The following USP12 variants were observed in gnomAD, a reference collection of about 807,000 sequenced individuals.
USP12 encodes the protein ubiquitin carboxyl-terminal hydrolase 12.
A neutral mutation model predicts 45.5 loss-of-function variants in USP12; 19 were observed. That is an observed-to-expected ratio of 0.42 (90% CI 0.29 to 0.61). The LOEUF (loss-of-function observed/expected upper bound fraction) is 0.61. USP12 is among the 20% of genes least tolerant of loss of function. USP12 has a pLI of 0.22. For missense variants in USP12, 242 were observed against 447.7 expected, an observed-to-expected ratio of 0.54 and a Z score of 4.15; for synonymous variants, 149 against 148.8, an observed-to-expected ratio of 1.00 and a Z score of -0.01.
intron 1 of USP12, among the ~76,000 whole-genome samples, chr13:27,141,598 G>C (rs1425288181): frequency 6.6e-5 from 10 of 152,066 alleles, no homozygotes; most frequent in Non-Finnish European, 1.5e-4. Context: ...GTCCCATCAG[G>C]AACAATTTGG....
chr13:27,112,964 T>C (rs931946975), intron 2 of USP12, among the ~76,000 whole-genome samples: 1 of 152,228 alleles, frequency 6.6e-6, no homozygotes, highest in Non-Finnish European at 1.5e-5. Context: ...CTAGGCACAA[T>C]GGCTCATGCC....
chr13:27,085,593 AG>A (rs925638488), intron 6 of USP12, among the ~76,000 whole-genome samples: 75 of 152,208 alleles, frequency 4.9e-4, no homozygotes, highest in African/African-American at 1.8e-3. Flanking sequence ...AATTCATCCA[AG>A]TAAAGGTCAA....
At chr13:27,087,251 A>ATG (rs55816785) in intron 6 of USP12, among the ~76,000 whole-genome samples, 122 of 144,052 alleles carry the variant, frequency 8.5e-4, no homozygotes, top group African/African-American at 2.9e-3. Flanking sequence ...GTGGGGAGGG[A>ATG]TGTGTGTGTG....
chr13:27,144,913 A>G (rs2137824865), intron 1 of USP12, among the ~76,000 whole-genome samples: 1 of 152,132 alleles, frequency 6.6e-6, no homozygotes, highest in African/African-American at 2.4e-5. Flanking sequence ...AAGAAAAAAA[A>G]AAAATCAGCC....
At chr13:27,082,560 C>T (rs1873807833) in intron 6 of USP12, among the ~76,000 whole-genome samples, 1 of 152,204 alleles carries the variant, frequency 6.6e-6, no homozygotes, top group Non-Finnish European at 1.5e-5. Flanking sequence ...CTTTGCACTC[C>T]TAACTTGGCT....
intron 1 of USP12, among the ~76,000 whole-genome samples, chr13:27,157,480 A>C (rs1460575584): frequency 6.6e-6 from 1 of 152,154 alleles, no homozygotes; most frequent in Admixed American, 6.5e-5. Flanking sequence ...TTTAGCAAAA[A>C]TGAGTTCTGT....
At position 27,095,607 on chromosome 13, in the gene USP12, A is replaced by C; in HGVS notation, c.567T>G (p.Cys189Trp). ...AATTGTATGATATACTTACAGTTTC[A>C]CAAGTAAGACATCTGGTTTCATTAG... ...TLTNETRCLT[C>W]ETISSKDEDF... The change falls in exon 4 of 9, where the codon TGT (cysteine) becomes TGG (tryptophan). Residue 189 changes from cysteine to tryptophan, a missense_variant. Physicochemically the swap from Cys to Trp is radical, Grantham distance 215. Around this residue, in one of 5 missense-constraint regions of USP12, gnomAD observed 12 missense variants for 71.0 expected, o/e 0.17. Coordinates refer to ENST00000282344, the MANE Select transcript of USP12 (RefSeq NM_182488.4). The C allele has an allele frequency of 6.3e-7, 1 of 1,596,936 alleles. No homozygotes were observed. The highest frequency in any genetic ancestry group is 8.5e-7 in the Non-Finnish European group (1 of 1,173,288).
rs1455216943 is a variant in USP12, at chr13:27,071,120, A to G, written c.962T>C (p.Ile321Thr). ...SGPNRGHYIA[I>T]VKSHDFWLLF... ...CAACCAAAAATCATGACTCTTAACT[A>G]TTGCAATATAATGGCCTCGATTGGG... Residue 321 changes from isoleucine to threonine, a missense_variant, in exon 8 of 9, where the codon ATA (isoleucine) becomes ACA (threonine). This residue lies in a region of USP12 where 94 missense variants were observed against 168.3 expected (regional missense o/e 0.56). Coordinates refer to ENST00000282344, the MANE Select transcript of USP12 (RefSeq NM_182488.4). The G allele has an allele frequency of 6.2e-7, 1 of 1,608,944 alleles. No individual in the cohort carries two copies. Among genetic ancestry groups the G allele is most frequent in the East Asian group, 2.2e-5 (1 of 44,700 alleles).
At chr13:27,109,868 C>T (rs1459170455) in intron 2 of USP12, among the ~76,000 whole-genome samples, 1 of 138,424 alleles carries the variant, frequency 7.2e-6, no homozygotes, top group South Asian at 2.2e-4. Context: ...GAGATGGTGC[C>T]GCCATTGCAC....
intron 2 of USP12, among the ~76,000 whole-genome samples, chr13:27,107,802 T>C (rs990893730): frequency 5.2e-4 from 79 of 152,218 alleles, no homozygotes; most frequent in Middle Eastern, 6.8e-3. Flanking sequence ...TCACTGGCCA[T>C]CAGAGAAATG....
At chr13:27,128,014 ATTATT>A (rs1433665771) in intron 1 of USP12, among the ~76,000 whole-genome samples, 2 of 152,206 alleles carry the variant, frequency 1.3e-5, no homozygotes, top group Non-Finnish European at 2.9e-5. Flanking sequence ...CAGTATTCCG[ATTATT>A]TTATTCAGTA....
At position 27,090,064 on chromosome 13, in the gene USP12, A is replaced by C. The variant is rs201634442; in HGVS notation, c.650+18T>G. The C allele has an allele frequency of 2.9e-5, 46 of 1,579,982 alleles. No individual in the cohort carries two copies. Among genetic ancestry groups the C allele is most frequent in the Non-Finnish European group, 3.9e-5 (45 of 1,157,762 alleles). On this transcript the variant is annotated intron_variant, in intron 5 of 8. Coordinates refer to ENST00000282344, the MANE Select transcript of USP12 (RefSeq NM_182488.4). ...AAAAATAATTATTAAATTTCAAACT[A>C]AATAATTCTACATATACCTTAAGCA...
intron 1 of USP12, among the ~76,000 whole-genome samples, chr13:27,130,176 A>G (rs1876427690): frequency 6.6e-6 from 1 of 152,050 alleles, no homozygotes; most frequent in Admixed American, 6.6e-5. Flanking sequence ...TGCCCTCAAC[A>G]ATTTAGGATT....
intron 6 of USP12, among the ~76,000 whole-genome samples, chr13:27,087,251 ATGTGTGTGTGTGTG>A (rs55816785): frequency 0.75 from 108,326 of 143,840 alleles, 41,221 homozygotes; most frequent in East Asian, 0.93. Context: ...GTGGGGAGGG[ATGTGTGTGTGTGTG>A]TGTGTGTGTG....
chr13:27,168,039 C>A (rs889515323), intron 1 of USP12, among the ~76,000 whole-genome samples: 1 of 152,206 alleles, frequency 6.6e-6, no homozygotes, highest in Admixed American at 6.5e-5. Flanking sequence ...CTTTCTTCAG[C>A]AAGTAAAGTT....
chr13:27,103,607 A>AAAATAAT lies in USP12; in HGVS notation c.343+2123_343+2124insATTATTT, dbSNP rs372985958. Among the ~76,000 whole-genome samples, 463 of 128,506 alleles carry AAAATAAT rather than the reference A, an allele frequency of 3.6e-3. 2 individuals carry two copies. The highest frequency in any genetic ancestry group is 4.9e-3 in the Non-Finnish European group (298 of 61,442). The allele number at this position is 128,506 out of a possible 152,430, so 84.3% of individuals were successfully genotyped here. A position where few individuals can be genotyped will look rare whatever the true frequency, so the allele number is the denominator to read the frequency against. ...GTAACTATTGAACTATCAAAAAAAA[A>AAAATAAT]AATAATAATAATAATAATAATAAGG... On this transcript the variant is annotated intron_variant, in intron 3 of 8. Coordinates refer to ENST00000282344, the MANE Select transcript of USP12 (RefSeq NM_182488.4).
chr13:27,086,584 C>G (rs944730929), intron 6 of USP12, among the ~76,000 whole-genome samples: 1 of 152,060 alleles, frequency 6.6e-6, no homozygotes, highest in Non-Finnish European at 1.5e-5. Context: ...ATTAAAATTT[C>G]ATGTCTTTAA....
chr13:27,138,918 G>A (rs1876929888), intron 1 of USP12, among the ~76,000 whole-genome samples: 1 of 152,148 alleles, frequency 6.6e-6, no homozygotes, highest in Non-Finnish European at 1.5e-5. Flanking sequence ...CAGTTGTCAT[G>A]GCATAATTAA....
intron 1 of USP12, among the ~76,000 whole-genome samples, chr13:27,153,596 A>T (rs1458678990): frequency 6.6e-6 from 1 of 152,176 alleles, no homozygotes; most frequent in African/African-American, 2.4e-5. Flanking sequence ...AGTACTTGAG[A>T]ATGAAATGTT....
Sources: allele counts gnomAD v4.1 joint callset (sites outside exome capture counted in the v4.1 genomes callset), GRCh38; gene constraint gnomAD v4.1.1; regional missense constraint gnomAD v4.1.1; transcripts MANE v1.5; gene names NCBI Gene and HGNC (gene_info 2026-07-23, HGNC 2026-07-21).